Variants in DLG2 observed in about 807,000 individuals in gnomAD.
DLG2 encodes the protein disks large homolog 2.
In DLG2, 45 loss-of-function variants were observed where a neutral mutation model predicts 132.5. The observed-to-expected ratio is 0.34, with a 90% CI of 0.27 to 0.44. The LOEUF is 0.44. Among genes scored for constraint, DLG2 ranks in the 20% least tolerant of loss-of-function variants. The pLI is 1.00. For synonymous variants in DLG2, 424 were observed against 419.6 expected (o/e 1.01, Z -0.13); for missense variants, 1,045 against 1,196.9 (o/e 0.87, Z 1.87).
chr11:84,154,704 T>G (rs555048273), intron 9 of DLG2, among the ~76,000 whole-genome samples: 27 of 152,212 alleles, frequency 1.8e-4, no homozygotes, highest in African/African-American at 6.3e-4. Context: ...TGTGTCCATG[T>G]TTTCTCATTG....
rs879915438 is a variant in DLG2, at chr11:84,336,498, C to T, written c.520-85207G>A. ...AAGTATTCCTCCCTTACTTCCAACT[C>T]ACAGTTTGGCCTCACTTAGAGATTC... On this transcript the variant is annotated intron_variant, in intron 7 of 27. Coordinates refer to ENST00000376104, the MANE Select transcript of DLG2 (RefSeq NM_001142699.3). Among the ~76,000 whole-genome samples, 535 of 152,316 alleles carry T rather than the reference C, an allele frequency of 3.5e-3. 3 individuals are homozygous for T. The highest frequency in any genetic ancestry group is 6.0e-3 in the Non-Finnish European group (408 of 68,020).
At chr11:84,517,761 A>G (rs981269344) in intron 7 of DLG2, among the ~76,000 whole-genome samples, 1 of 152,054 alleles carries the variant, frequency 6.6e-6, no homozygotes, top group African/African-American at 2.4e-5. Context: ...ATGTTCATCA[A>G]TGGATGAACG....
At chr11:84,294,008 G>A (rs898354317) in intron 7 of DLG2, among the ~76,000 whole-genome samples, 3 of 152,142 alleles carry the variant, frequency 2.0e-5, no homozygotes, top group Non-Finnish European at 4.4e-5. Flanking sequence ...GAGTCTGCAT[G>A]TAATAGCAGC....
chr11:84,364,337 T>C (rs1417108348), intron 7 of DLG2, among the ~76,000 whole-genome samples: 1 of 152,166 alleles, frequency 6.6e-6, no homozygotes. Context: ...ATAAGAATGC[T>C]TGTGATTTTT....
chr11:85,287,764 A>C (rs1380973063), intron 3 of DLG2, among the ~76,000 whole-genome samples: 1 of 152,146 alleles, frequency 6.6e-6, no homozygotes, highest in African/African-American at 2.4e-5. Context: ...GAAATAGATA[A>C]ATTGTGATAT....
intron 6 of DLG2, among the ~76,000 whole-genome samples, chr11:84,859,032 T>C (rs2083190057): frequency 6.6e-6 from 1 of 151,972 alleles, no homozygotes; most frequent in South Asian, 2.1e-4. Context: ...CATCTTTTTA[T>C]ACCTTAGTTT....
intron 6 of DLG2, among the ~76,000 whole-genome samples, chr11:84,813,377 C>A (rs1035694887): frequency 1.3e-5 from 2 of 151,946 alleles, no homozygotes; most frequent in African/African-American, 2.4e-5. Context: ...CTGAACTTCC[C>A]GGAGGAGATA....
rs116120685 is a variant in DLG2 at position 84,236,504 on chromosome 11, G to A, written c.573+14734C>T. 3.3e-3 allele frequency among the ~76,000 whole-genome samples: 506 copies of A among 152,336 alleles called. 2 individuals are homozygous for A. The highest frequency in any genetic ancestry group is 0.011 in the African/African-American group (462 of 41,576). On this transcript the variant is annotated intron_variant, in intron 8 of 27. Coordinates refer to ENST00000376104, the MANE Select transcript of DLG2 (RefSeq NM_001142699.3). ...TTTTTGGGGGCCCTTAGGCCAAACT[G>A]CTAAAGCACAGGCCATGACTCCTTT...
chr11:83,867,465 A>G (rs2062610810), intron 16 of DLG2, among the ~76,000 whole-genome samples: 6 of 152,134 alleles, frequency 3.9e-5, no homozygotes, highest in Admixed American at 3.9e-4. Flanking sequence ...TACCTGCTTT[A>G]ATGATACAGT....
rs566665784 is a variant in DLG2 at position 85,428,954 on chromosome 11, C to T, written c.41-143589G>A. ...AAAATGATAAAGGGGATATCACCAC[C>T]GATCCCACAGAGATACAAACTACCA... On this transcript the variant is annotated intron_variant, in intron 3 of 27. Coordinates refer to ENST00000376104, the MANE Select transcript of DLG2 (RefSeq NM_001142699.3). Among the ~76,000 whole-genome samples, 10 of 151,978 alleles carry T rather than the reference C, an allele frequency of 6.6e-5. 1 individual carries two copies. The South Asian group carries it at 1.7e-3, about 25-fold the overall frequency.
chr11:83,884,615 G>T (rs1021042688), intron 15 of DLG2, among the ~76,000 whole-genome samples: 9 of 152,316 alleles, frequency 5.9e-5, no homozygotes, highest in African/African-American at 1.9e-4. Flanking sequence ...GATGCAGCTG[G>T]AGATCTGAGG....
At chr11:85,440,053 C>T (rs532954311) in intron 3 of DLG2, among the ~76,000 whole-genome samples, 2 of 152,232 alleles carry the variant, frequency 1.3e-5, no homozygotes, top group African/African-American at 2.4e-5. Flanking sequence ...TACTTATCTT[C>T]TTTGTGCTTT....
chr11:83,520,514 G>A (rs1344924588), intron 21 of DLG2, among the ~76,000 whole-genome samples: 1 of 152,114 alleles, frequency 6.6e-6, no homozygotes, highest in African/African-American at 2.4e-5. Context: ...CACATTAGGT[G>A]GCAGGTTCAT....
intron 6 of DLG2, among the ~76,000 whole-genome samples, chr11:84,746,221 A>C (rs967490288): frequency 6.6e-6 from 1 of 151,872 alleles, no homozygotes; most frequent in Non-Finnish European, 1.5e-5. Context: ...ATCTGTGAGG[A>C]AAGAGATGGA....
At chr11:84,488,442 C>T (rs2099156397) in intron 7 of DLG2, among the ~76,000 whole-genome samples, 1 of 152,094 alleles carries the variant, frequency 6.6e-6, no homozygotes, top group Admixed American at 6.6e-5. Flanking sequence ...GCTTTGCCAA[C>T]TGAGCCAAGT....
intron 6 of DLG2, among the ~76,000 whole-genome samples, chr11:85,094,566 C>A (rs943391926): frequency 6.6e-6 from 1 of 152,308 alleles, no homozygotes; most frequent in East Asian, 1.9e-4. Context: ...ATATGGATGG[C>A]TTCTTTCCTT....
At chr11:85,126,685 C>G (rs1354362371) in intron 5 of DLG2, among the ~76,000 whole-genome samples, 1 of 151,918 alleles carries the variant, frequency 6.6e-6, no homozygotes, top group Non-Finnish European at 1.5e-5. Context: ...GTTGGAATGA[C>G]AAGAATTAGA....
intron 17 of DLG2, among the ~76,000 whole-genome samples, chr11:83,808,572 T>C (rs1331446519): frequency 2.0e-5 from 3 of 152,190 alleles, no homozygotes; most frequent in Non-Finnish European, 2.9e-5. Context: ...ATAAAATATA[T>C]GTGACTAGCC....
chr11:85,110,089 A>G (rs2072458973), intron 6 of DLG2, among the ~76,000 whole-genome samples: 1 of 152,118 alleles, frequency 6.6e-6, no homozygotes, highest in South Asian at 2.1e-4. Flanking sequence ...CATTGTCTCC[A>G]TGGAGAAACA....
Sources: gnomAD v4.1 joint callset for allele counts (sites outside exome capture counted in the v4.1 genomes callset) on GRCh38, gnomAD v4.1.1 for gene constraint, MANE v1.5 for transcripts, NCBI Gene and HGNC (gene_info 2026-07-23, HGNC 2026-07-21) for gene names.